The following ASPM variants were observed in gnomAD, a reference collection of about 807,000 sequenced individuals.
ASPM encodes abnormal spindle-like microcephaly-associated protein.
Under a neutral mutation model 366.4 loss-of-function variants are expected in ASPM, and 256 were observed. That is an observed-to-expected ratio of 0.70 (90% CI 0.63 to 0.77). The LOEUF is 0.77. Among genes scored for constraint, ASPM ranks in the 30% least tolerant of loss-of-function variants. The pLI is 0.00. For synonymous variants in ASPM, 1,414 were observed against 1,342.9 expected (o/e 1.05, Z -1.16); for missense variants, 4,146 against 4,090.4 (o/e 1.01, Z -0.37).
At chr1:197,145,323 A>G (rs535969915) in intron 1 of ASPM, among the ~76,000 whole-genome samples, 2 of 152,232 alleles carry the variant, frequency 1.3e-5, no homozygotes, top group South Asian at 2.1e-4. Flanking sequence ...CAATGCAGTA[A>G]AAGAAAGCTA....
Position 197,088,418 on chromosome 1 carries a change from A to T in ASPM, c.9999T>A (p.Thr3333=), listed in dbSNP as rs775647451. The T allele has an allele frequency of 3.1e-6, 5 of 1,602,990 alleles. No homozygotes were observed. The South Asian group carries it at 4.4e-5, about 14-fold the overall frequency. Reference sequence around the variant, plus strand: ...AATTTTCTACATCATAAACTGCTGAAGTAGTTTTCTCATACTTGAAGAGAA... The same window carrying T: ...AATTTTCTACATCATAAACTGCTGATGTAGTTTTCTCATACTTGAAGAGAA... The part of the protein sequence containing the change: ...LLNVSKYEKT[T]SAVYDVENCI... Residue 3333 remains threonine (T), a synonymous_variant, in exon 26 of 28, where the codon ACT becomes ACA. Transcript: ENST00000367409.
Position 197,143,524 on chromosome 1 carries a change from C to G in ASPM, c.728G>C (p.Arg243Pro). ...ATGAAGAGATGAGTAGGTAGTAGAT[C>G]GACGTACAGAGAGTGGCAAGCAAGT... ...GATCLPLSVRRSTTYSSLHAS... is the reference protein window; with the variant it reads ...GATCLPLSVRPSTTYSSLHAS... The change falls in exon 3 of 28, where the codon CGA (arginine) becomes CCA (proline). Residue 243 changes from arginine (R) to proline (P), a missense_variant. Physicochemically the swap from Arg to Pro is moderately radical, Grantham distance 103 (BLOSUM62 -2). Around this residue, in one of 3 missense-constraint regions of ASPM, gnomAD observed 512 missense variants for 471.7 expected, o/e 1.09. Transcript: ENST00000367409. The G allele has an allele frequency of 3.7e-6, 6 of 1,613,862 alleles. No homozygotes were observed. The highest frequency in any genetic ancestry group is 1.6e-4 in the Middle Eastern group (1 of 6,062).
rs111256297 is a variant in ASPM at position 197,138,482 on chromosome 1, G to C, written c.2026+1285C>G. 9.1e-4 allele frequency among the ~76,000 whole-genome samples: 139 copies of C among 152,298 alleles called. 2 individuals are homozygous for C. In the East Asian group the frequency reaches 0.02, roughly 22 times the overall value. On this transcript the variant is annotated intron_variant, in intron 4 of 27. Transcript: ENST00000367409. ...CCAGCCAACTCTTGTATTCCCAGCA[G>C]AGACAGGGCCTCATCATCCTGGTCA...
At position 197,104,811 on chromosome 1, in the gene ASPM, T is replaced by G. The variant is rs200388490; in HGVS notation, c.4440A>C (p.Glu1480Asp). 1 of 1,579,510 alleles carries G rather than the reference T, an allele frequency of 6.3e-7. No homozygotes were observed. The highest frequency in any genetic ancestry group is 8.6e-7 in the Non-Finnish European group (1 of 1,166,244). Residue 1480 changes from glutamate to aspartate, a missense_variant, in exon 18 of 28, where the codon GAA becomes GAC. Glu to Asp is a conservative substitution (Grantham distance 45, BLOSUM62 2). Coordinates refer to ENST00000367409, the MANE Select transcript of ASPM (RefSeq NM_018136.5). ...ATCTAATATAAATATATTTCCGTAA[T>G]TCTTTATGCATTCTATACCATGATT... Reference protein sequence around the residue: ...IIQSWYRMHKELRKYIYIRSC... With the variant: ...IIQSWYRMHKDLRKYIYIRSC...
chr1:197,124,441 A>G lies in ASPM; in HGVS notation c.3169-110T>C, dbSNP rs572376202. The G allele has an allele frequency of 4.8e-6, 4 of 835,764 alleles. No homozygotes were observed. In the East Asian group the frequency reaches 1.1e-4, roughly 22 times the overall value. The allele number at this position is 835,764 out of a possible 1,614,324, so 51.8% of individuals were successfully genotyped here. ...TATTTAGAGAAACTGTAGATGTTTTAAACCAGGAAGTTAAAAAAATCAAAG... is the reference window on the plus strand; with the variant it reads ...TATTTAGAGAAACTGTAGATGTTTTGAACCAGGAAGTTAAAAAAATCAAAG... On this transcript the variant is annotated intron_variant, in intron 12 of 27. Coordinates refer to ENST00000367409, the MANE Select transcript of ASPM (RefSeq NM_018136.5).
chr1:197,104,449 T>G lies in ASPM; in HGVS notation c.4802A>C (p.Lys1601Thr). The stretch of plus-strand genomic sequence containing the variant: ...AGCTGCTTTCTTCATCTTCTTATAT[T>G]TCTGTCGTTGTTGATGTTTTCTTAC... ...AHVRKHQQRQ[K>T]YKKMKKAAVI... is the part of the protein sequence containing the mutation. Residue 1601 changes from lysine to threonine, a missense_variant, in exon 18 of 28, where the codon AAA becomes ACA. Coordinates refer to ENST00000367409, the MANE Select transcript of ASPM (RefSeq NM_018136.5). 6.2e-7 allele frequency: 1 copy of G among 1,612,934 alleles called. No individual in the cohort carries two copies. Among genetic ancestry groups the G allele is most frequent in the Non-Finnish European group, 8.5e-7 (1 of 1,179,404 alleles).
In ASPM at chr1:197,130,170, A is replaced by T; in HGVS notation, c.2488-114T>A. 4 of 1,095,808 alleles carry T rather than the reference A, an allele frequency of 3.7e-6. No homozygotes were observed. The South Asian group carries it at 5.2e-5, about 14-fold the overall frequency. The allele number at this position is 1,095,808 out of a possible 1,614,324, so 67.9% of individuals were successfully genotyped here. On this transcript the variant is annotated intron_variant, in intron 7 of 27. Transcript: ENST00000367409. ...GAACTGGCAATGTTCTACTTTCTAAATGACATGGTTATTTGCTAAATAACT... is the reference window on the plus strand; with the variant it reads ...GAACTGGCAATGTTCTACTTTCTAATTGACATGGTTATTTGCTAAATAACT...
Position 197,103,455 on chromosome 1 carries a change from T to C in ASPM, c.5796A>G (p.Arg1932=). ...TAALVIQQNF[R]AWTAGRKQCM... is the part of the protein sequence containing the mutation. ...ATTGCTTCCTTCCTGCAGTCCATGC[T>C]CTGAAATTTTGCTGGATGACTAATG... The change falls in exon 18 of 28, where the codon AGA becomes AGG. Residue 1932 remains arginine (R), a synonymous_variant. Transcript: ENST00000367409. 1 of 1,613,328 alleles carries C rather than the reference T, an allele frequency of 6.2e-7. No homozygotes were observed.
At chr1:197,111,729 G>A (rs944050171) in intron 17 of ASPM, among the ~76,000 whole-genome samples, 48 of 151,824 alleles carry the variant, frequency 3.2e-4, no homozygotes, top group African/African-American at 1.1e-3. Flanking sequence ...ACACACACTG[G>A]AGACATACAT....
At chr1:197,120,718 T>C (rs760338062) in intron 16 of ASPM, among the ~76,000 whole-genome samples, 3 of 152,030 alleles carry the variant, frequency 2.0e-5, no homozygotes, top group Non-Finnish European at 4.4e-5. Context: ...CCTAGAAGTA[T>C]TGGAAGCTTC....
chr1:197,124,137 A>G lies in ASPM; in HGVS notation c.3363T>C (p.Asn1121=). ...TTTTATTATAGAAGGCACAAACAGC[A>G]TTTACCCAATCCATCAATAACTTTA... is the stretch of plus-strand genomic sequence containing the variant. ...ENIKLLMDWV[N]AVCAFYNKKV... The change falls in exon 13 of 28, where the codon AAT becomes AAC. Residue 1121 remains asparagine (N), a synonymous_variant. Coordinates refer to ENST00000367409, the MANE Select transcript of ASPM (RefSeq NM_018136.5). The G allele has an allele frequency of 6.2e-7, 1 of 1,612,364 alleles. No homozygotes were observed. Among genetic ancestry groups the G allele is most frequent in the Non-Finnish European group, 8.5e-7 (1 of 1,178,940 alleles).
At chr1:197,107,017 T>C (rs1260911723) in intron 17 of ASPM, among the ~76,000 whole-genome samples, 1 of 152,046 alleles carries the variant, frequency 6.6e-6, no homozygotes, top group African/African-American at 2.4e-5. Context: ...GTTTCTCTGC[T>C]TGAGATATGG....
chr1:197,138,491 C>T (rs1313165752), intron 4 of ASPM, among the ~76,000 whole-genome samples: 1 of 152,066 alleles, frequency 6.6e-6, no homozygotes, highest in Non-Finnish European at 1.5e-5. Flanking sequence ...AGAGACAGGG[C>T]CTCATCATCC....
rs370546641 is a variant in ASPM at position 197,124,863 on chromosome 1, A to G, written c.3168+7T>C. ...AAAAAATACAAGATGTACCAAATGT[A>G]TAATACCTGAAAAGCAAACGCTATT... On this transcript the variant is annotated splice_region_variant and intron_variant, in intron 12 of 27. Transcript: ENST00000367409. The G allele has an allele frequency of 3.8e-6, 6 of 1,583,450 alleles. No homozygotes were observed. In the East Asian group the frequency reaches 1.1e-4, roughly 30 times the overall value.
Position 197,129,966 on chromosome 1 carries a change from C to A in ASPM, c.2578G>T (p.Asp860Tyr). Reference protein sequence around the residue: ...FILNRLLWNPDIAAEYRHPTV... With the variant: ...FILNRLLWNPYIAAEYRHPTV... The stretch of plus-strand genomic sequence containing the variant: ...GGGTGTCTATACTCAGCTGCTATAT[C>A]AGGATTCCAAAGTAGGCGATTCAGA... Residue 860 changes from aspartate to tyrosine, a missense_variant, in exon 8 of 28, where the codon GAT becomes TAT. Physicochemically the swap from Asp to Tyr is radical, Grantham distance 160. This residue lies in a region of ASPM where 3,624 missense variants were observed against 3,591.7 expected (regional missense o/e 1.01). Coordinates refer to ENST00000367409, the MANE Select transcript of ASPM (RefSeq NM_018136.5). 1 of 1,613,942 alleles carries A rather than the reference C, an allele frequency of 6.2e-7. No individual in the cohort carries two copies. Among genetic ancestry groups the A allele is most frequent in the South Asian group, 1.1e-5 (1 of 91,074 alleles).
chr1:197,094,088 A>G lies in ASPM; in HGVS notation c.9080T>C (p.Ile3027Thr), dbSNP rs1299357228. ...GAATTAATTTTTAATACCTACTTTT[A>G]TCATTAAGAAGTGTTCATGAGCTAT... ...AKIAHEHFLM[I>T]KRHRAACLIQ... The change falls in exon 20 of 28, where the codon ATA becomes ACA. Residue 3027 changes from isoleucine (I) to threonine (T), a missense_variant. By Grantham distance (89) the Ile-to-Thr change is moderately conservative. This residue lies in a region of ASPM where 3,624 missense variants were observed against 3,591.7 expected (regional missense o/e 1.01). Coordinates refer to ENST00000367409, the MANE Select transcript of ASPM (RefSeq NM_018136.5). The G allele has an allele frequency of 1.3e-6, 2 of 1,560,082 alleles. No homozygotes were observed. The highest frequency in any genetic ancestry group is 2.3e-5 in the East Asian group (1 of 44,094).
At chr1:197,114,447 T>C (rs1344719565) in intron 17 of ASPM, among the ~76,000 whole-genome samples, 2 of 152,224 alleles carry the variant, frequency 1.3e-5, no homozygotes, top group Non-Finnish European at 2.9e-5. Context: ...GATTGCTCCA[T>C]AGCATACAAT....
Position 197,117,959 on chromosome 1 carries a change from T to G in ASPM, c.3895A>C (p.Ile1299Leu). Residue 1299 changes from isoleucine (I) to leucine (L), a missense_variant, in exon 17 of 28, where the codon ATT becomes CTT. By Grantham distance (5) the Ile-to-Leu change is conservative. Around this residue, in one of 3 missense-constraint regions of ASPM, gnomAD observed 3,624 missense variants for 3,591.7 expected, o/e 1.01. Coordinates refer to ENST00000367409, the MANE Select transcript of ASPM (RefSeq NM_018136.5). ...AGAAAATTGATTACAGCCAATTGAATAATTCTTGCAGCTTTCTCTCTCTCC... is the reference window on the plus strand; with the variant it reads ...AGAAAATTGATTACAGCCAATTGAAGAATTCTTGCAGCTTTCTCTCTCTCC... ...HQEREKAARI[I>L]QLAVINFLAK... 6.2e-7 allele frequency: 1 copy of G among 1,613,536 alleles called. No individual in the cohort carries two copies. The highest frequency in any genetic ancestry group is 8.5e-7 in the Non-Finnish European group (1 of 1,179,648).
chr1:197,128,489 C>T lies in ASPM; in HGVS notation c.2936+1G>A, dbSNP rs1168056557. On this transcript the variant is annotated splice_donor_variant, in intron 10 of 27. Coordinates refer to ENST00000367409, the MANE Select transcript of ASPM (RefSeq NM_018136.5). LOFTEE classifies it high-confidence loss of function. Reference sequence around the variant, plus strand: ...AAAATAATTCTATTTCTTATACGTACACAAGGCGCACTCCACATTGCAAGT... The same window carrying T: ...AAAATAATTCTATTTCTTATACGTATACAAGGCGCACTCCACATTGCAAGT... 9 of 1,610,034 alleles carry T rather than the reference C, an allele frequency of 5.6e-6. No individual in the cohort carries two copies. The highest frequency in any genetic ancestry group is 7.7e-6 in the Non-Finnish European group (9 of 1,176,352).
Sources: gnomAD v4.1 joint callset for allele counts (sites outside exome capture counted in the v4.1 genomes callset) on GRCh38, gnomAD v4.1.1 for gene constraint, gnomAD v4.1.1 regional missense constraint, MANE v1.5 for transcripts, NCBI Gene and HGNC (gene_info 2026-07-23, HGNC 2026-07-21) for gene names.